The following CD8B2 variants were observed in gnomAD, a reference collection of about 807,000 sequenced individuals.
CD8B2 encodes CD8B family member 2, also known as T-cell surface glycoprotein CD8 beta-2 chain.
In CD8B2, 11 loss-of-function variants were observed where a neutral mutation model predicts 23.7. The observed-to-expected ratio is 0.46, with a 90% CI of 0.29 to 0.77. CD8B2 has a LOEUF of 0.77. CD8B2 is among the 30% of genes least tolerant of loss of function. The pLI is 0.09. For missense variants in CD8B2, 197 were observed against 270.5 expected, an observed-to-expected ratio of 0.73 and a Z score of 1.91; for synonymous variants, 90 against 109.3, an observed-to-expected ratio of 0.82 and a Z score of 1.10.
At position 106,507,875 on chromosome 2, in the gene CD8B2, C is replaced by T. The variant is rs1432948491; in HGVS notation, c.*935C>T. The T allele has an allele frequency of 6.6e-6, 1 of 151,114 alleles. No homozygotes were observed. Among genetic ancestry groups the T allele is most frequent in the Non-Finnish European group, 1.5e-5 (1 of 67,844 alleles). The allele number at this position is 151,114 out of a possible 1,614,324, so 9.4% of individuals were successfully genotyped here. ...GGCTGCAGGTGCCTCAGGCCCCTCTCCCAGCCCACTCCCAAGCTGAACTAG... is the reference window on the plus strand; with the variant it reads ...GGCTGCAGGTGCCTCAGGCCCCTCTTCCAGCCCACTCCCAAGCTGAACTAG... On this transcript the variant is annotated 3_prime_UTR_variant, in exon 6 of 6. Coordinates refer to ENST00000643224, the MANE Select transcript of CD8B2 (RefSeq NM_001349727.2).
chr2:106,536,852 T>C (rs1168731800), intron 5 of CD8B2, among the ~76,000 whole-genome samples: 1 of 152,164 alleles, frequency 6.6e-6, no homozygotes, highest in Non-Finnish European at 1.5e-5. Flanking sequence ...GCAAATAGTG[T>C]TACTGATCAT....
rs1679586759 is a variant in CD8B2 at position 106,509,753 on chromosome 2, A to G, written c.*2813A>G. 6.6e-6 allele frequency: 1 copy of G among 152,128 alleles called. No homozygotes were observed. Among genetic ancestry groups the G allele is most frequent in the South Asian group, 2.1e-4 (1 of 4,832 alleles). The allele number at this position is 152,128 out of a possible 1,614,324, so 9.4% of individuals were successfully genotyped here. On this transcript the variant is annotated 3_prime_UTR_variant, in exon 6 of 6. Transcript: ENST00000643224. ...TTGAAGAAGGAACTGAGCTGCTACT[A>G]CACTCTATAGGGCCATTATGATGAA... is the stretch of plus-strand genomic sequence containing the variant.
chr2:106,489,129 A>C, intron 1 of CD8B2, among the ~76,000 whole-genome samples: 1 of 120,106 alleles, frequency 8.3e-6, no homozygotes, highest in African/African-American at 3.2e-5. Flanking sequence ...CAGCCTCCCT[A>C]GTAGCTGGGA....
At chr2:106,520,727 G>A (rs767720003) in intron 5 of CD8B2, among the ~76,000 whole-genome samples, 3 of 151,986 alleles carry the variant, frequency 2.0e-5, no homozygotes, top group Non-Finnish European at 4.4e-5. Flanking sequence ...AAAATTAGCC[G>A]GATGTGGTGC....
chr2:106,502,811 C>T (rs1451154939), intron 4 of CD8B2, among the ~76,000 whole-genome samples: 2 of 151,814 alleles, frequency 1.3e-5, no homozygotes, highest in South Asian at 2.1e-4. Context: ...TCCAGTGCCC[C>T]GGTCTCTCTG....
intron 5 of CD8B2, among the ~76,000 whole-genome samples, chr2:106,517,021 A>G (rs1679739821): frequency 6.7e-6 from 1 of 148,524 alleles, no homozygotes; most frequent in South Asian, 2.1e-4. Context: ...TATTTCATAT[A>G]TGAAAATTAA....
intron 5 of CD8B2, among the ~76,000 whole-genome samples, chr2:106,540,182 C>G (rs539816461): frequency 6.6e-6 from 1 of 150,718 alleles, no homozygotes; most frequent in Non-Finnish European, 1.5e-5. Flanking sequence ...TTTATGTAGA[C>G]CTCTCAAATT....
chr2:106,517,341 T>G (rs983099089), intron 5 of CD8B2, among the ~76,000 whole-genome samples: 2 of 152,104 alleles, frequency 1.3e-5, no homozygotes, highest in Non-Finnish European at 2.9e-5. Flanking sequence ...AGGCTTTAGA[T>G]TTTCCCCATA....
intron 5 of CD8B2, among the ~76,000 whole-genome samples, chr2:106,525,923 A>G (rs1679899901): frequency 6.6e-6 from 1 of 152,198 alleles, no homozygotes; most frequent in Non-Finnish European, 1.5e-5. Context: ...GTACGAGGCC[A>G]AAGATATAAA....
In CD8B2 at chr2:106,496,236, G is replaced by C; in HGVS notation, c.467G>C (p.Arg156Pro). 1 of 1,538,046 alleles carries C rather than the reference G, an allele frequency of 6.5e-7. No individual in the cohort carries two copies. The highest frequency in any genetic ancestry group is 2.5e-5 in the East Asian group (1 of 40,690). ...KKSTLKKRVC[R>P]LPRPETQKGP... ...TCCACCCTCAAGAAGAGAGTGTGCC[G>C]GTTACCCAGGCCAGAGACCCAGAAG... The change falls in exon 3 of 6, where the codon CGG (arginine) becomes CCG (proline). Residue 156 changes from arginine to proline, a missense_variant. Physicochemically the swap from Arg to Pro is moderately radical, Grantham distance 103. Coordinates refer to ENST00000643224, the MANE Select transcript of CD8B2 (RefSeq NM_001349727.2).
Position 106,491,131 on chromosome 2 carries a change from C to G in CD8B2, c.301C>G (p.Leu101Val). 1.1e-5 allele frequency: 17 copies of G among 1,613,858 alleles called. No individual in the cohort carries two copies. Among genetic ancestry groups the G allele is most frequent in the Non-Finnish European group, 1.4e-5 (17 of 1,179,730 alleles). ...AVFRDASRFI[L>V]NLTSVKPEDS... ...GTTTCGGGATGCAAGCCGGTTCATT[C>G]TCAATCTCACAAGCGTGAAGCCGGA... The change falls in exon 2 of 6, where the codon CTC becomes GTC. Residue 101 changes from leucine to valine, a missense_variant. Physicochemically the swap from Leu to Val is conservative, Grantham distance 32. This residue lies in a region of CD8B2 where 140 missense variants were observed against 164.2 expected (regional missense o/e 0.85). Transcript: ENST00000643224.
intron 1 of CD8B2, among the ~76,000 whole-genome samples, chr2:106,489,078 C>T (rs192758631): frequency 0.02 from 2,833 of 141,320 alleles, 44 homozygotes; most frequent in Non-Finnish European, 0.027. Context: ...TCTTGGCTCA[C>T]TGCAATCTCC....
chr2:106,502,161 T>C (rs998005707), intron 3 of CD8B2, among the ~76,000 whole-genome samples: 4 of 151,628 alleles, frequency 2.6e-5, no homozygotes, highest in Admixed American at 2.6e-4. Flanking sequence ...CCAGGCATGG[T>C]GGCACATGCC....
chr2:106,500,862 T>C (rs1679392380), intron 3 of CD8B2, among the ~76,000 whole-genome samples: 1 of 151,632 alleles, frequency 6.6e-6, no homozygotes, highest in Non-Finnish European at 1.5e-5. Context: ...AAGGAAAAGA[T>C]AGTCAACTCG....
intron 3 of CD8B2, among the ~76,000 whole-genome samples, chr2:106,498,152 CTTT>C (rs59508147): frequency 6.9e-6 from 1 of 145,474 alleles, no homozygotes; most frequent in African/African-American, 2.5e-5. Flanking sequence ...TTCTTTCTTT[CTTT>C]TTTTTTTTTT....
chr2:106,530,442 G>A (rs988862784), intron 5 of CD8B2, among the ~76,000 whole-genome samples: 1 of 152,140 alleles, frequency 6.6e-6, no homozygotes, highest in Non-Finnish European at 1.5e-5. Flanking sequence ...GCAGTGGCGC[G>A]ATCTCGGCTC....
At chr2:106,528,002 G>T (rs1419854315) in intron 5 of CD8B2, among the ~76,000 whole-genome samples, 1 of 152,126 alleles carries the variant, frequency 6.6e-6, no homozygotes, top group Non-Finnish European at 1.5e-5. Flanking sequence ...TTTGGGTGAG[G>T]TATAAGAGCT....
Position 106,492,794 on chromosome 2 carries a change from G to A in CD8B2, c.403+1561G>A, listed in dbSNP as rs751758998. Among the ~76,000 whole-genome samples, 12 of 152,206 alleles carry A rather than the reference G, an allele frequency of 7.9e-5. 1 individual carries two copies. In the South Asian group the frequency reaches 1.0e-3, roughly 13 times the overall value. On this transcript the variant is annotated intron_variant, in intron 2 of 5. Transcript: ENST00000643224. The stretch of plus-strand genomic sequence containing the variant: ...AAGACACAAACCAAAGTGATGCCCC[G>A]CCACCTCTTGCTAGCCTGGGAGGGT...
Position 106,510,195 on chromosome 2 carries a change from C to G in CD8B2, c.*3255C>G, listed in dbSNP as rs963027268. 6.6e-6 allele frequency: 1 copy of G among 152,162 alleles called. No individual in the cohort carries two copies. Among genetic ancestry groups the G allele is most frequent in the African/African-American group, 2.4e-5 (1 of 41,440 alleles). The allele number at this position is 152,162 out of a possible 1,614,324, so 9.4% of individuals were successfully genotyped here. A position where few individuals can be genotyped will look rare whatever the true frequency, so the allele number is the denominator to read the frequency against. On this transcript the variant is annotated 3_prime_UTR_variant, in exon 6 of 6. Transcript: ENST00000643224. Reference sequence around the variant, plus strand: ...GTTGTTAGAAGTTAGGATACAGTTACCCTTGGTCCAGTGATGGTCATTAGG... The same window carrying G: ...GTTGTTAGAAGTTAGGATACAGTTAGCCTTGGTCCAGTGATGGTCATTAGG...
Sources: allele counts gnomAD v4.1 joint callset (sites outside exome capture counted in the v4.1 genomes callset), GRCh38; gene constraint gnomAD v4.1.1; regional missense constraint gnomAD v4.1.1; transcripts MANE v1.5; gene names NCBI Gene and HGNC (gene_info 2026-07-23, HGNC 2026-07-21).